The following PREX2 variants were observed in gnomAD, a reference collection of about 807,000 sequenced individuals.
The protein encoded by PREX2 is phosphatidylinositol 3,4,5-trisphosphate-dependent Rac exchanger 2 protein.
Under a neutral mutation model 203.2 loss-of-function variants are expected in PREX2, and 107 were observed. The ratio of observed to expected loss-of-function variants is 0.53; its 90% CI spans 0.45 to 0.62. The LOEUF (loss-of-function observed/expected upper bound fraction) is 0.62. PREX2 is among the 20% of genes least tolerant of loss of function. The probability of loss-of-function intolerance (pLI) is 0.00; values close to 1 mark genes in which losing one functional copy is unlikely to be tolerated. For missense variants in PREX2, 1,777 were observed against 1,955.9 expected, an observed-to-expected ratio of 0.91 and a Z score of 1.72; for synonymous variants, 672 against 663.6, an observed-to-expected ratio of 1.01 and a Z score of -0.19.
At chr8:68,202,463 A>G (rs1463393027) in intron 37 of PREX2, among the ~76,000 whole-genome samples, 1 of 152,168 alleles carries the variant, frequency 6.6e-6, no homozygotes, top group African/African-American at 2.4e-5. Context: ...ACATGATTAG[A>G]TATTTTTTAA....
chr8:68,131,166 C>T (rs1378277561), intron 31 of PREX2, among the ~76,000 whole-genome samples: 1 of 152,162 alleles, frequency 6.6e-6, no homozygotes, highest in African/African-American at 2.4e-5. Context: ...AACATTGTTG[C>T]TGTAGTGTGG....
chr8:68,148,687 G>A (rs1811374222), intron 34 of PREX2, among the ~76,000 whole-genome samples: 1 of 152,204 alleles, frequency 6.6e-6, no homozygotes, highest in East Asian at 1.9e-4. Context: ...CAAACATTAG[G>A]TTTTGGTATG....
chr8:68,191,332 A>T (rs1372851986), intron 35 of PREX2, among the ~76,000 whole-genome samples: 1 of 152,194 alleles, frequency 6.6e-6, no homozygotes, highest in Non-Finnish European at 1.5e-5. Context: ...TATTTCTTCA[A>T]CTTTTTAATA....
chr8:68,224,345 T>C (rs1813015211), intron 38 of PREX2, among the ~76,000 whole-genome samples: 1 of 152,170 alleles, frequency 6.6e-6, no homozygotes. Context: ...TATTGATCGC[T>C]TCTAGGAATA....
At chr8:67,983,991 G>T (rs773918277) in intron 1 of PREX2, among the ~76,000 whole-genome samples, 4 of 151,518 alleles carry the variant, frequency 2.6e-5, no homozygotes, top group African/African-American at 9.7e-5. Flanking sequence ...TGCCGTGCTT[G>T]GTACTGCTCT....
chr8:68,192,207 T>A (rs1812308912), intron 36 of PREX2, 128 bp from the exon 37 acceptor site: 2 of 653,326 alleles, frequency 3.1e-6, no homozygotes, highest in Non-Finnish European at 2.6e-6. Flanking sequence ...TAAATATTAG[T>A]AGTCTCTAAT....
At chr8:68,095,840 G>T (rs998678001) in intron 21 of PREX2, among the ~76,000 whole-genome samples, 4 of 151,954 alleles carry the variant, frequency 2.6e-5, no homozygotes, top group African/African-American at 7.3e-5. Context: ...ACAAGGTCTT[G>T]CCATGTTGCC....
At chr8:68,072,438 T>C in intron 13 of PREX2, 57 bp from the exon 14 acceptor site, 1 of 902,422 alleles carries the variant, frequency 1.1e-6, no homozygotes. Context: ...TGTGCTTACC[T>C]ACCCTCTTGC....
intron 7 of PREX2, among the ~76,000 whole-genome samples, chr8:68,040,840 T>C (rs1808174570): frequency 2.0e-5 from 3 of 152,172 alleles, no homozygotes; most frequent in South Asian, 4.1e-4. Context: ...AATCAATGAA[T>C]GAGTGAATGG....
At chr8:67,981,412 A>C (rs1312845120) in intron 1 of PREX2, among the ~76,000 whole-genome samples, 2 of 152,206 alleles carry the variant, frequency 1.3e-5, no homozygotes, top group Admixed American at 1.3e-4. Context: ...GTAATGAAAC[A>C]GGCTATTTAC....
intron 25 of PREX2, among the ~76,000 whole-genome samples, chr8:68,113,442 G>A (rs1810575438): frequency 6.6e-6 from 1 of 152,186 alleles, no homozygotes; most frequent in Admixed American, 6.5e-5. Context: ...ATTGGAGTTA[G>A]TCTAATGTTT....
chr8:68,098,976 A>G (rs1054797772), intron 22 of PREX2, among the ~76,000 whole-genome samples: 6 of 129,786 alleles, frequency 4.6e-5, no homozygotes, highest in African/African-American at 1.4e-4. Context: ...ATATATATAT[A>G]TCTCACATAA....
At chr8:68,068,326 AG>A (rs1029474782) in intron 11 of PREX2, among the ~76,000 whole-genome samples, 7 of 152,080 alleles carry the variant, frequency 4.6e-5, no homozygotes, top group African/African-American at 1.7e-4. Flanking sequence ...TCCTGGGAAT[AG>A]GAGTCTTTAT....
At chr8:68,093,390 C>CAAAAAAA (rs56001927) in intron 20 of PREX2, among the ~76,000 whole-genome samples, 1 of 81,484 alleles carries the variant, frequency 1.2e-5, no homozygotes, top group Non-Finnish European at 2.5e-5. Context: ...AACTCCATCT[C>CAAAAAAA]AAAAAAAAAA....
At chr8:68,119,235 C>T (rs567325618) in intron 27 of PREX2, among the ~76,000 whole-genome samples, 197 bp from the exon 28 acceptor site, 1 of 152,338 alleles carries the variant, frequency 6.6e-6, no homozygotes, top group African/African-American at 2.4e-5. Flanking sequence ...CTGGGAGGCA[C>T]TCCGCCTTCA....
intron 35 of PREX2, among the ~76,000 whole-genome samples, chr8:68,190,040 A>G (rs1420407362): frequency 6.6e-6 from 1 of 152,218 alleles, no homozygotes; most frequent in Non-Finnish European, 1.5e-5. Flanking sequence ...AGTAATGGGA[A>G]TATCACTGTG....
intron 23 of PREX2, chr8:68,103,704 C>G (rs892959241): frequency 1.9e-6 from 1 of 519,442 alleles, no homozygotes; most frequent in African/African-American, 1.9e-5. Context: ...CATTCCTTGT[C>G]TTAGTGGGAT....
chr8:68,109,738 T>C (rs1321482885), intron 25 of PREX2, 115 bp downstream of exon 25: 4 of 817,188 alleles, frequency 4.9e-6, no homozygotes, highest in African/African-American at 1.7e-5. Context: ...AGATTTGTGC[T>C]GATTATATAG....
chr8:68,195,796 G>A (rs1034692335), intron 37 of PREX2, among the ~76,000 whole-genome samples: 2 of 152,202 alleles, frequency 1.3e-5, no homozygotes, highest in Non-Finnish European at 2.9e-5. Context: ...ATCTACATTA[G>A]ATAGTCAATT....
Sources: allele counts gnomAD v4.1 joint callset (sites outside exome capture counted in the v4.1 genomes callset), GRCh38; gene constraint gnomAD v4.1.1; transcripts MANE v1.5; gene names NCBI Gene and HGNC (gene_info 2026-07-23, HGNC 2026-07-21).